PRICKLE2: variants seen among roughly 807,000 people sequenced by gnomAD.
The protein encoded by PRICKLE2 is prickle-like protein 2.
In PRICKLE2, 21 loss-of-function variants were observed where a neutral mutation model predicts 81.4. The observed-to-expected ratio is 0.26, with a 90% CI of 0.18 to 0.37. The LOEUF (loss-of-function observed/expected upper bound fraction) is 0.37, where lower values mean the gene tolerates loss of function less well. Ranked by LOEUF, PRICKLE2 falls within the 10% of genes least tolerant of loss-of-function variation. The pLI is 1.00. For synonymous variants in PRICKLE2, 456 were observed against 421.5 expected (o/e 1.08, Z -1.00); for missense variants, 940 against 1,109.0 (o/e 0.85, Z 2.16).
chr3:64,122,131 G>A (rs941858384), intron 7 of PRICKLE2, among the ~76,000 whole-genome samples: 2 of 152,174 alleles, frequency 1.3e-5, no homozygotes, highest in Non-Finnish European at 2.9e-5. Context: ...ATGGAATGCT[G>A]CCAGAGAGGT....
At chr3:64,141,561 G>A (rs697268) in intron 7 of PRICKLE2, among the ~76,000 whole-genome samples, 17,823 of 152,306 alleles carry the variant, frequency 0.12, 1,147 homozygotes, top group Admixed American at 0.17. Flanking sequence ...AAGTTAAAGC[G>A]CTTCTGCAAG....
At chr3:64,179,000 TTTC>T (rs2078075490) in intron 2 of PRICKLE2, among the ~76,000 whole-genome samples, 1 of 149,224 alleles carries the variant, frequency 6.7e-6, no homozygotes. Flanking sequence ...TCTTTCTTTC[TTTC>T]TTTCTTTCTT....
At position 64,098,963 on chromosome 3, in the gene PRICKLE2, C is replaced by G; in HGVS notation, c.*88G>C. The G allele has an allele frequency of 6.5e-7, 1 of 1,544,258 alleles. No individual in the cohort carries two copies. The highest frequency in any genetic ancestry group is 8.9e-7 in the Non-Finnish European group (1 of 1,118,906). ...CCTTTTCTCCCCCATAAGCCACCCCCAAAAGCGCTTTAACATTTAAAACAG... is the reference window on the plus strand; with the variant it reads ...CCTTTTCTCCCCCATAAGCCACCCCGAAAAGCGCTTTAACATTTAAAACAG... On this transcript the variant is annotated 3_prime_UTR_variant, in exon 8 of 8. Coordinates refer to ENST00000638394, the MANE Select transcript of PRICKLE2 (RefSeq NM_198859.4).
intron 7 of PRICKLE2, among the ~76,000 whole-genome samples, chr3:64,123,237 G>T (rs1249430007): frequency 2.6e-5 from 4 of 152,144 alleles, no homozygotes; most frequent in African/African-American, 9.7e-5. Flanking sequence ...AGAAGAGGTG[G>T]GTTAAAATAA....
At chr3:64,113,524 C>A (rs2076884208) in intron 7 of PRICKLE2, among the ~76,000 whole-genome samples, 1 of 152,162 alleles carries the variant, frequency 6.6e-6, no homozygotes, top group South Asian at 2.1e-4. Context: ...CATGCACATG[C>A]TCCCTCCCCA....
chr3:64,224,669 T>C (rs2079006536), intron 1 of PRICKLE2, among the ~76,000 whole-genome samples: 1 of 152,166 alleles, frequency 6.6e-6, no homozygotes, highest in Admixed American at 6.5e-5. Context: ...TTCTTAAGCA[T>C]CAAGATTTAA....
At position 64,098,871 on chromosome 3, in the gene PRICKLE2, T is replaced by C. The variant is rs781357037; in HGVS notation, c.*180A>G. ...TGAAATGTGCAAATAATATTCAACA[T>C]GCCAAGAACTGTGACTACCTATTGA... is the stretch of plus-strand genomic sequence containing the variant. On this transcript the variant is annotated 3_prime_UTR_variant, in exon 8 of 8. Transcript: ENST00000638394. 1.5e-6 allele frequency: 1 copy of C among 668,102 alleles called. No individual in the cohort carries two copies. Among genetic ancestry groups the C allele is most frequent in the Non-Finnish European group, 2.6e-6 (1 of 380,862 alleles). 41.4% of individuals were successfully genotyped at this position (668,102 alleles called of 1,614,324 possible).
chr3:64,120,716 C>G (rs571172921), intron 7 of PRICKLE2, among the ~76,000 whole-genome samples: 3 of 152,254 alleles, frequency 2.0e-5, no homozygotes, highest in East Asian at 3.9e-4. Flanking sequence ...AAGCCTAGCT[C>G]CCCTTGTTTC....
intron 2 of PRICKLE2, among the ~76,000 whole-genome samples, chr3:64,253,886 T>C (rs948698820): frequency 3.3e-5 from 5 of 151,028 alleles, no homozygotes; most frequent in African/African-American, 1.2e-4. Flanking sequence ...ATGAGAGGAG[T>C]TTCAAGGTGA....
At chr3:64,249,164 G>A (rs1218549574) in intron 2 of PRICKLE2, among the ~76,000 whole-genome samples, 2 of 152,080 alleles carry the variant, frequency 1.3e-5, no homozygotes, top group Non-Finnish European at 2.9e-5. Flanking sequence ...AGCACAACTG[G>A]GAAACCTCGG....
At chr3:64,157,499 T>G in intron 4 of PRICKLE2, 134 bp from the exon 5 acceptor site, 4 of 911,306 alleles carry the variant, frequency 4.4e-6, no homozygotes, top group Non-Finnish European at 7.0e-6. Flanking sequence ...GCTTCCTGCT[T>G]TACACAGGCA....
chr3:64,099,199 G>C lies in PRICKLE2; in HGVS notation c.2387C>G (p.Pro796Arg), dbSNP rs2076613503. ...GACGTATCGCAGGCGCGCTGGCTGG[G>C]GGATGGGTTCTCCTAGGAAATAGCC... Reference protein sequence around the residue: ...NEGYFLGEPIPQPARLRYVTS... With the variant: ...NEGYFLGEPIRQPARLRYVTS... The change falls in exon 8 of 8, where the codon CCC becomes CGC. Residue 796 changes from proline (P) to arginine (R), a missense_variant. By Grantham distance (103) the Pro-to-Arg change is moderately radical. Transcript: ENST00000638394. This position sits in a 1 kb window ranked among gnomAD's most constrained non-coding sequence, Gnocchi z 4.3. 6.2e-7 allele frequency: 1 copy of C among 1,614,208 alleles called. No individual in the cohort carries two copies. Among genetic ancestry groups the C allele is most frequent in the East Asian group, 2.2e-5 (1 of 44,872 alleles).
chr3:64,239,630 T>A (rs1295459877), intron 2 of PRICKLE2, among the ~76,000 whole-genome samples: 1 of 152,004 alleles, frequency 6.6e-6, no homozygotes, highest in Non-Finnish European at 1.5e-5. Flanking sequence ...TAAGCCAGAT[T>A]TATAGGTGAC....
Position 64,112,645 on chromosome 3 carries a change from A to T in PRICKLE2, c.1661-12720T>A, listed in dbSNP as rs1271548382. Among the ~76,000 whole-genome samples, 3 of 152,350 alleles carry T rather than the reference A, an allele frequency of 2.0e-5. No individual in the cohort carries two copies. In the East Asian group the frequency reaches 5.8e-4, roughly 29 times the overall value. ...GACAAAGTTTTGGGCTCTCAAAAAAAGTTAACCTCCAAGTGGGACCTAATT... is the reference window on the plus strand; with the variant it reads ...GACAAAGTTTTGGGCTCTCAAAAAATGTTAACCTCCAAGTGGGACCTAATT... On this transcript the variant is annotated intron_variant, in intron 7 of 7. Transcript: ENST00000638394.
At chr3:64,123,465 A>T (rs2077060496) in intron 7 of PRICKLE2, among the ~76,000 whole-genome samples, 3 of 152,372 alleles carry the variant, frequency 2.0e-5, no homozygotes, top group Admixed American at 6.5e-5. Context: ...GGTAAGCCAT[A>T]TGCAAATATA....
chr3:64,113,106 AG>A (rs1215207782), intron 7 of PRICKLE2, among the ~76,000 whole-genome samples: 2 of 152,126 alleles, frequency 1.3e-5, no homozygotes, highest in African/African-American at 4.8e-5. Flanking sequence ...CCCTAGAAGG[AG>A]GGGGACCCCT....
At chr3:64,157,432 T>TA in intron 4 of PRICKLE2, 67 bp from the exon 5 acceptor site, 1 of 1,502,356 alleles carries the variant, frequency 6.7e-7, no homozygotes, top group Non-Finnish European at 9.2e-7. Flanking sequence ...GCATAAATGA[T>TA]AAAGGACAAC....
intron 1 of PRICKLE2, among the ~76,000 whole-genome samples, chr3:64,218,580 T>A (rs2078906760): frequency 6.6e-6 from 1 of 152,192 alleles, no homozygotes; most frequent in Non-Finnish European, 1.5e-5. Flanking sequence ...AAGGATCAAG[T>A]AAAATACAGC....
At chr3:64,260,466 G>A (rs959412738) in intron 2 of PRICKLE2, among the ~76,000 whole-genome samples, 12 of 152,092 alleles carry the variant, frequency 7.9e-5, no homozygotes, top group Admixed American at 5.9e-4. Flanking sequence ...CTAATCAATC[G>A]CAGCACTATT....
Sources: gnomAD v4.1 joint callset for allele counts (sites outside exome capture counted in the v4.1 genomes callset) on GRCh38, gnomAD v4.1.1 for gene constraint, Gnocchi (gnomAD v3.1) non-coding constraint, MANE v1.5 for transcripts, NCBI Gene and HGNC (gene_info 2026-07-23, HGNC 2026-07-21) for gene names.